The following MTUS2 variants were observed in gnomAD, a reference collection of about 807,000 sequenced individuals.
MTUS2 encodes microtubule associated scaffold protein 2, also known as microtubule-associated tumor suppressor candidate 2.
In MTUS2, 40 loss-of-function variants were observed where a neutral mutation model predicts 114.1. The ratio of observed to expected loss-of-function variants is 0.35; its 90% CI spans 0.27 to 0.46. The LOEUF (loss-of-function observed/expected upper bound fraction) is 0.46. MTUS2 is among the 20% of genes least tolerant of loss of function. The pLI, the probability that MTUS2 is intolerant of heterozygous loss-of-function variation, is 1.00. For synonymous variants in MTUS2, 688 were observed against 672.0 expected (o/e 1.02, Z -0.37); for missense variants, 1,679 against 1,705.4 (o/e 0.98, Z 0.27).
At chr13:28,849,012 A>G (rs1876073863) in intron 2 of MTUS2, among the ~76,000 whole-genome samples, 1 of 152,210 alleles carries the variant, frequency 6.6e-6, no homozygotes, top group Non-Finnish European at 1.5e-5. Context: ...TGGTCTTCTT[A>G]TAACAGCCTT....
chr13:28,928,618 C>G (rs1030497836), intron 2 of MTUS2, among the ~76,000 whole-genome samples: 2 of 152,118 alleles, frequency 1.3e-5, no homozygotes, highest in Admixed American at 1.3e-4. Flanking sequence ...ATGGGGAACC[C>G]TTATATGCCA....
At chr13:28,947,871 A>T (rs867509264) in intron 2 of MTUS2, among the ~76,000 whole-genome samples, 32 of 152,334 alleles carry the variant, frequency 2.1e-4, no homozygotes, top group Middle Eastern at 3.4e-3. Context: ...TTAGAAATAG[A>T]GCCCATTAAA....
At chr13:29,256,522 C>T (rs958760268) in intron 5 of MTUS2, among the ~76,000 whole-genome samples, 3 of 152,218 alleles carry the variant, frequency 2.0e-5, no homozygotes, top group African/African-American at 7.2e-5. Flanking sequence ...GGGCCTCCTT[C>T]CTATCGTCAC....
intron 9 of MTUS2, among the ~76,000 whole-genome samples, chr13:29,449,146 T>G (rs946347913): frequency 1.3e-5 from 2 of 152,142 alleles, no homozygotes. Flanking sequence ...TATTGAACTA[T>G]AGCAAAACAA....
chr13:29,145,501 C>T (rs1396229281), intron 5 of MTUS2, among the ~76,000 whole-genome samples: 1 of 152,044 alleles, frequency 6.6e-6, no homozygotes, highest in Non-Finnish European at 1.5e-5. Context: ...GCCTGGGTGA[C>T]AGAGCAAGAC....
intron 13 of MTUS2, 23 bp from the exon 14 acceptor site, chr13:29,498,395 C>T (rs1478165736): frequency 9.9e-6 from 16 of 1,613,742 alleles, no homozygotes; most frequent in Non-Finnish European, 1.3e-5. Context: ...TGGTCAACAG[C>T]TCATGGCTCT....
intron 6 of MTUS2, among the ~76,000 whole-genome samples, chr13:29,315,480 T>C (rs1899949968): frequency 6.6e-6 from 1 of 152,200 alleles, no homozygotes; most frequent in Non-Finnish European, 1.5e-5. Context: ...AAAAATCATT[T>C]TTTAAAAGGT....
At chr13:29,360,888 CT>C (rs1375777906) in intron 8 of MTUS2, among the ~76,000 whole-genome samples, 2 of 152,154 alleles carry the variant, frequency 1.3e-5, no homozygotes, top group Non-Finnish European at 2.9e-5. Context: ...GTCACACTGC[CT>C]GCTCTGGGAC....
intron 8 of MTUS2, among the ~76,000 whole-genome samples, chr13:29,365,681 A>G (rs1185464760): frequency 1.3e-5 from 2 of 152,136 alleles, no homozygotes; most frequent in Non-Finnish European, 2.9e-5. Flanking sequence ...CGTGCCTTTA[A>G]GATATTCTGG....
Position 29,368,087 on chromosome 13 carries a change from T to C in MTUS2, c.3117+8614T>C, listed in dbSNP as rs562695558. ...CCAAGTAGCTGGGACTACAGGTGCC[T>C]GCCACCGCACCCGGCTAATTTTTTG... On this transcript the variant is annotated intron_variant, in intron 8 of 15. Coordinates refer to ENST00000612955, the MANE Select transcript of MTUS2 (RefSeq NM_001033602.4). Among the ~76,000 whole-genome samples, 196 of 152,058 alleles carry C rather than the reference T, an allele frequency of 1.3e-3. 1 individual carries two copies. The highest frequency in any genetic ancestry group is 3.1e-3 in the Admixed American group (47 of 15,278).
At chr13:29,232,365 A>T (rs557072840) in intron 5 of MTUS2, among the ~76,000 whole-genome samples, 2 of 151,986 alleles carry the variant, frequency 1.3e-5, no homozygotes, top group East Asian at 3.9e-4. Flanking sequence ...TATTGTGCTG[A>T]TTGGGCTTGT....
intron 2 of MTUS2, among the ~76,000 whole-genome samples, chr13:28,909,230 G>A (rs1310206202): frequency 1.3e-5 from 2 of 151,544 alleles, no homozygotes; most frequent in African/African-American, 4.9e-5. Context: ...TGTGTAGCAA[G>A]TCATTGGTAG....
Position 29,324,685 on chromosome 13 carries a change from C to T in MTUS2, c.2879C>T (p.Ala960Val). 6.3e-7 allele frequency: 1 copy of T among 1,599,376 alleles called. No homozygotes were observed. Among genetic ancestry groups the T allele is most frequent in the Non-Finnish European group, 8.5e-7 (1 of 1,172,594 alleles). ...PAVSSPKRVAASTTKLHSPGY... is the reference protein window; with the variant it reads ...PAVSSPKRVAVSTTKLHSPGY... Reference sequence around the variant, plus strand: ...GTTTCATCTCCTAAGAGAGTAGCAGCTTCAACCACCAAGCTTCATTCACCA... The same window carrying T: ...GTTTCATCTCCTAAGAGAGTAGCAGTTTCAACCACCAAGCTTCATTCACCA... Residue 960 changes from alanine to valine, a missense_variant, in exon 7 of 16, where the codon GCT (alanine) becomes GTT (valine). By Grantham distance (64) the Ala-to-Val change is moderately conservative (BLOSUM62 0). This residue lies in a region of MTUS2 where 822 missense variants were observed against 899.7 expected (regional missense o/e 0.91). Transcript: ENST00000612955.
At chr13:29,289,070 C>T (rs537444767) in intron 6 of MTUS2, among the ~76,000 whole-genome samples, 1 of 152,236 alleles carries the variant, frequency 6.6e-6, no homozygotes, top group Admixed American at 6.5e-5. Context: ...TTGAAATACC[C>T]TTTTTTCCTA....
intron 2 of MTUS2, among the ~76,000 whole-genome samples, chr13:28,962,953 C>G (rs986903847): frequency 6.6e-6 from 1 of 152,206 alleles, no homozygotes; most frequent in African/African-American, 2.4e-5. Flanking sequence ...AGTATCCCCC[C>G]TTTCTACTCT....
At chr13:28,908,990 A>T (rs1880228232) in intron 2 of MTUS2, among the ~76,000 whole-genome samples, 1 of 151,620 alleles carries the variant, frequency 6.6e-6, no homozygotes, top group Non-Finnish European at 1.5e-5. Context: ...GTCAAAGATC[A>T]GATGGTTATA....
intron 6 of MTUS2, among the ~76,000 whole-genome samples, chr13:29,313,386 G>A (rs1899854303): frequency 6.6e-6 from 1 of 152,184 alleles, no homozygotes; most frequent in Admixed American, 6.5e-5. Context: ...GGGCAAAAAA[G>A]CACATTTACC....
chr13:28,946,679 A>T (rs1882550605), intron 2 of MTUS2, among the ~76,000 whole-genome samples: 1 of 152,190 alleles, frequency 6.6e-6, no homozygotes, highest in Admixed American at 6.5e-5. Flanking sequence ...CACTTAGCTT[A>T]GATGGACTGG....
At chr13:29,258,044 T>A (rs1355448595) in intron 5 of MTUS2, among the ~76,000 whole-genome samples, 1 of 151,710 alleles carries the variant, frequency 6.6e-6, no homozygotes, top group African/African-American at 2.4e-5. Flanking sequence ...TTTCTATTGC[T>A]GCCTAACTAA....
Sources: allele counts gnomAD v4.1 joint callset (sites outside exome capture counted in the v4.1 genomes callset), GRCh38; gene constraint gnomAD v4.1.1; regional missense constraint gnomAD v4.1.1; transcripts MANE v1.5; gene names NCBI Gene and HGNC (gene_info 2026-07-23, HGNC 2026-07-21).